Variants in SLC1A1 observed in about 807,000 individuals in gnomAD.
SLC1A1 encodes solute carrier family 1 member 1, also known as excitatory amino acid transporter 3.
SLC1A1 carries 43 observed loss-of-function variants against 53.3 expected under a neutral mutation model. That is an observed-to-expected ratio of 0.81 (90% CI 0.63 to 1.04). The LOEUF is 1.04. Ranked by LOEUF, SLC1A1 falls within the 50% of genes least tolerant of loss-of-function variation. SLC1A1 has a pLI of 0.00. For missense variants in SLC1A1, 748 were observed against 664.9 expected, an observed-to-expected ratio of 1.12 and a Z score of -1.37; for synonymous variants, 307 against 243.2, an observed-to-expected ratio of 1.26 and a Z score of -2.44.
At chr9:4,570,529 C>T (rs1819933726) in intron 6 of SLC1A1, among the ~76,000 whole-genome samples, 4 of 152,042 alleles carry the variant, frequency 2.6e-5, no homozygotes. Context: ...TGCCACAATG[C>T]CTGGCTAATT....
At chr9:4,532,850 C>A (rs1438417765) in intron 1 of SLC1A1, among the ~76,000 whole-genome samples, 7 of 152,162 alleles carry the variant, frequency 4.6e-5, no homozygotes, top group African/African-American at 1.7e-4. Context: ...GCCCATCAGA[C>A]TAACAGCTGA....
chr9:4,509,346 T>G (rs910218993), intron 1 of SLC1A1, among the ~76,000 whole-genome samples: 3 of 152,002 alleles, frequency 2.0e-5, no homozygotes, highest in African/African-American at 7.2e-5. Context: ...ATCAAGGGAC[T>G]ATTTATAGAG....
chr9:4,567,619 A>C, intron 5 of SLC1A1, 50 bp from the exon 6 acceptor site: 1 of 1,273,482 alleles, frequency 7.9e-7, no homozygotes, highest in South Asian at 1.2e-5. Flanking sequence ...CAAAAGCTTA[A>C]AAAAAATTCT....
intron 1 of SLC1A1, among the ~76,000 whole-genome samples, chr9:4,491,094 A>AT (rs965247341): frequency 6.6e-6 from 1 of 152,120 alleles, no homozygotes; most frequent in East Asian, 1.9e-4. Context: ...ACAGGGTTCG[A>AT]TTTTTTTCTT....
intron 1 of SLC1A1, among the ~76,000 whole-genome samples, chr9:4,536,387 TG>T (rs1816675033): frequency 6.6e-6 from 1 of 151,916 alleles, no homozygotes; most frequent in Non-Finnish European, 1.5e-5. Context: ...GCGAAGGATA[TG>T]AACAGACACT....
At position 4,564,438 on chromosome 9, in the gene SLC1A1, T is replaced by A. The variant is rs778358208; in HGVS notation, c.420T>A (p.Asp140Glu). ...TGSTPEVSTV[D>E]AMLDLIRNMF... ...GCACCCCTGAAGTCAGTACGGTGGA[T>A]GCCATGTTAGATCTCATCAGGTGAG... is the stretch of plus-strand genomic sequence containing the variant. Residue 140 changes from aspartate to glutamate, a missense_variant, in exon 4 of 12, where the codon GAT becomes GAA. Asp to Glu is a conservative substitution (Grantham distance 45). Coordinates refer to ENST00000262352, the MANE Select transcript of SLC1A1 (RefSeq NM_004170.6). The A allele has an allele frequency of 6.2e-7, 1 of 1,611,666 alleles. No individual in the cohort carries two copies. The highest frequency in any genetic ancestry group is 8.5e-7 in the Non-Finnish European group (1 of 1,178,294).
chr9:4,567,909 A>C, intron 6 of SLC1A1, 142 bp downstream of exon 6: 1 of 707,396 alleles, frequency 1.4e-6, no homozygotes, highest in South Asian at 1.5e-5. Context: ...GTGACCCCAA[A>C]ATCCATACTT....
At chr9:4,498,674 G>A (rs565781821) in intron 1 of SLC1A1, among the ~76,000 whole-genome samples, 2 of 151,582 alleles carry the variant, frequency 1.3e-5, no homozygotes, top group South Asian at 4.1e-4. Flanking sequence ...TATTTAATTT[G>A]TATTAATATA....
intron 1 of SLC1A1, among the ~76,000 whole-genome samples, chr9:4,504,582 A>T (rs1334746208): frequency 6.6e-6 from 1 of 152,220 alleles, no homozygotes; most frequent in Non-Finnish European, 1.5e-5. Context: ...TCTTTCTTGC[A>T]TGTGGAGAAT....
At position 4,544,612 on chromosome 9, in the gene SLC1A1, C is replaced by G; in HGVS notation, c.137C>G (p.Thr46Ser). ...VLVREHSNLS[T>S]LEKFYFAFPG... ...GTTCGAGAACACAGCAACCTCTCAA[C>G]TCTAGAGAAATTCTACTTTGCTTTT... is the stretch of plus-strand genomic sequence containing the variant. Residue 46 changes from threonine to serine, a missense_variant, in exon 2 of 12, where the codon ACT (threonine) becomes AGT (serine). By Grantham distance (58) the Thr-to-Ser change is moderately conservative (BLOSUM62 1). Transcript: ENST00000262352. 6.2e-7 allele frequency: 1 copy of G among 1,613,478 alleles called. No homozygotes were observed. Among genetic ancestry groups the G allele is most frequent in the South Asian group, 1.1e-5 (1 of 91,062 alleles).
At chr9:4,571,302 G>A (rs1820019533) in intron 6 of SLC1A1, among the ~76,000 whole-genome samples, 1 of 138,870 alleles carries the variant, frequency 7.2e-6, no homozygotes, top group Non-Finnish European at 1.6e-5. Flanking sequence ...ATACCTGGGT[G>A]ATAAAATAAT....
intron 3 of SLC1A1, among the ~76,000 whole-genome samples, chr9:4,563,461 C>T (rs573370553): frequency 6.6e-6 from 1 of 152,280 alleles, no homozygotes; most frequent in East Asian, 1.9e-4. Context: ...AAAGAGTGGG[C>T]CATGCCCAGT....
At position 4,501,179 on chromosome 9, in the gene SLC1A1, C is replaced by A. The variant is rs181803643; in HGVS notation, c.91+10409C>A. 4.2e-4 allele frequency among the ~76,000 whole-genome samples: 62 copies of A among 148,366 alleles called. 3 individuals are homozygous for A. The highest frequency in any genetic ancestry group is 1.6e-3 in the African/African-American group (61 of 37,996). On this transcript the variant is annotated intron_variant, in intron 1 of 11. Transcript: ENST00000262352. ...TGATAGTAGAAAGTGTTTTAAATGG[C>A]CTTTTCTATTTTGTTTTGTTTTGAG...
chr9:4,541,838 G>C (rs541935823), intron 1 of SLC1A1, among the ~76,000 whole-genome samples: 5 of 152,294 alleles, frequency 3.3e-5, no homozygotes, highest in South Asian at 2.1e-4. Flanking sequence ...ATTCCTAGCA[G>C]CCTTTGGCTT....
rs1820201829 is a variant in SLC1A1 at position 4,490,730 on chromosome 9, T to C, written c.51T>C (p.Asn17=). The C allele has an allele frequency of 6.2e-7, 1 of 1,612,826 alleles. No individual in the cohort carries two copies. Among genetic ancestry groups the C allele is most frequent in the Non-Finnish European group, 8.5e-7 (1 of 1,179,072 alleles). The change falls in exon 1 of 12, where the codon AAT becomes AAC. Residue 17 remains asparagine, a synonymous_variant. Coordinates refer to ENST00000262352, the MANE Select transcript of SLC1A1 (RefSeq NM_004170.6). The part of the protein sequence containing the change: ...KGCEWKRFLK[N]NWVLLSTVAA... ...GCGAGTGGAAGCGCTTCCTGAAGAA[T>C]AACTGGGTGTTGCTGTCCACCGTGG...
intron 1 of SLC1A1, among the ~76,000 whole-genome samples, chr9:4,518,096 C>T (rs1486684920): frequency 2.6e-5 from 4 of 151,512 alleles, no homozygotes; most frequent in Non-Finnish European, 5.9e-5. Flanking sequence ...CTTAGCCAAG[C>T]ATGGTGGTGG....
chr9:4,531,946 G>A (rs892319301), intron 1 of SLC1A1, among the ~76,000 whole-genome samples: 1 of 152,128 alleles, frequency 6.6e-6, no homozygotes, highest in African/African-American at 2.4e-5. Context: ...AGGCAAAGAG[G>A]GTCTGGAGTG....
At chr9:4,497,358 G>T (rs1563991572) in intron 1 of SLC1A1, among the ~76,000 whole-genome samples, 3 of 152,138 alleles carry the variant, frequency 2.0e-5, no homozygotes, top group African/African-American at 7.2e-5. Flanking sequence ...TCCCGCTGCT[G>T]TGTGATATTA....
Position 4,537,545 on chromosome 9 carries a change from G to A in SLC1A1, c.92-7022G>A, listed in dbSNP as rs1405042424. 1.1e-4 allele frequency among the ~76,000 whole-genome samples: 4 copies of A among 37,640 alleles called. 1 individual carries two copies. The highest frequency in any genetic ancestry group is 3.2e-4 in the African/African-American group (3 of 9,378). 24.7% of individuals were successfully genotyped at this position (37,640 alleles called of 152,430 possible). Reference sequence around the variant, plus strand: ...CTGCAGTCCACAGTCCGGCCTGGGCGACAGAGCGAGACTCCGTCTCAAAAA... The same window carrying A: ...CTGCAGTCCACAGTCCGGCCTGGGCAACAGAGCGAGACTCCGTCTCAAAAA... On this transcript the variant is annotated intron_variant, in intron 1 of 11. Transcript: ENST00000262352.
Sources: allele counts gnomAD v4.1 joint callset (sites outside exome capture counted in the v4.1 genomes callset), GRCh38; gene constraint gnomAD v4.1.1; transcripts MANE v1.5; gene names NCBI Gene and HGNC (gene_info 2026-07-23, HGNC 2026-07-21).